The following CNTN5 variants were observed in gnomAD, a reference collection of about 807,000 sequenced individuals.
CNTN5 encodes the protein contactin 5.
Under a neutral mutation model 129.1 loss-of-function variants are expected in CNTN5, and 77 were observed. The observed-to-expected ratio is 0.60, with a 90% CI of 0.50 to 0.72. The LOEUF is 0.72. Among genes scored for constraint, CNTN5 ranks in the 30% least tolerant of loss-of-function variants. The pLI is 0.00. For missense variants in CNTN5, 1,478 were observed against 1,328.8 expected, an observed-to-expected ratio of 1.11 and a Z score of -1.75; for synonymous variants, 509 against 465.6, an observed-to-expected ratio of 1.09 and a Z score of -1.20.
At chr11:99,788,534 A>G (rs1345705421) in intron 3 of CNTN5, among the ~76,000 whole-genome samples, 2 of 151,872 alleles carry the variant, frequency 1.3e-5, no homozygotes, top group Non-Finnish European at 2.9e-5. Context: ...TAGATTTTAG[A>G]TTTCTGTTTT....
At chr11:99,307,005 C>T (rs1004406254) in intron 1 of CNTN5, among the ~76,000 whole-genome samples, 1 of 152,100 alleles carries the variant, frequency 6.6e-6, no homozygotes, top group Non-Finnish European at 1.5e-5. Context: ...ATCATTCCTA[C>T]ATTCTATTAG....
intron 13 of CNTN5, among the ~76,000 whole-genome samples, chr11:100,148,555 C>T (rs1946935894): frequency 6.6e-6 from 1 of 152,144 alleles, no homozygotes; most frequent in African/African-American, 2.4e-5. Flanking sequence ...TAACTAACTC[C>T]CTTTGATCTC....
chr11:99,457,592 C>A (rs1944542522), intron 2 of CNTN5, among the ~76,000 whole-genome samples: 1 of 151,598 alleles, frequency 6.6e-6, no homozygotes, highest in South Asian at 2.1e-4. Context: ...AAATTAAACA[C>A]AAATTTTTAA....
chr11:100,074,803 T>C (rs1245941688), intron 13 of CNTN5, among the ~76,000 whole-genome samples: 2 of 152,106 alleles, frequency 1.3e-5, no homozygotes, highest in Admixed American at 6.6e-5. Context: ...AAATGAGAAG[T>C]GAGCAGAGGA....
intron 3 of CNTN5, among the ~76,000 whole-genome samples, chr11:99,589,070 G>A (rs1169380950): frequency 2.0e-5 from 3 of 152,182 alleles, no homozygotes; most frequent in African/African-American, 4.8e-5. Context: ...TTGATGGAAC[G>A]TGAAACATGA....
In CNTN5 at chr11:100,237,046, A is replaced by G. The variant is rs891593899; in HGVS notation, c.2005+12234A>G. Among the ~76,000 whole-genome samples the G allele has an allele frequency of 4.0e-5, 6 of 151,866 alleles. No homozygotes were observed. In the South Asian group the frequency reaches 6.2e-4, roughly 16 times the overall value. On this transcript the variant is annotated intron_variant, in intron 16 of 24. Coordinates refer to ENST00000524871, the MANE Select transcript of CNTN5 (RefSeq NM_014361.4). Reference sequence around the variant, plus strand: ...CTACTAAAAATACAAAAAATTAGCCAGGTGTGGTGGTGGGCGCCTCTAGTC... The same window carrying G: ...CTACTAAAAATACAAAAAATTAGCCGGGTGTGGTGGTGGGCGCCTCTAGTC...
In CNTN5 at chr11:100,350,788, A is replaced by G. The variant is rs377474957; in HGVS notation, c.3117A>G (p.Gly1039=). 13 of 1,609,086 alleles carry G rather than the reference A, an allele frequency of 8.1e-6. No homozygotes were observed. In the African/African-American group the frequency reaches 1.3e-4, roughly 17 times the overall value. The change falls in exon 24 of 25, where the codon GGA becomes GGG. Residue 1039 remains glycine, a synonymous_variant. Coordinates refer to ENST00000524871, the MANE Select transcript of CNTN5 (RefSeq NM_014361.4). ...LQAVVPLPDA[G]VYIIEVRAYS... ...CAGTAGTACCACTCCCAGATGCTGG[A>G]GTCTATATTATTGAAGTTCGAGCAT...
chr11:100,287,556 C>T (rs1186954463), intron 18 of CNTN5, among the ~76,000 whole-genome samples: 2 of 150,578 alleles, frequency 1.3e-5, no homozygotes, highest in African/African-American at 4.9e-5. Context: ...CAAGCAAATG[C>T]TGAGAGATTT....
intron 1 of CNTN5, among the ~76,000 whole-genome samples, chr11:99,089,411 T>C (rs989329918): frequency 8.5e-5 from 13 of 152,204 alleles, no homozygotes; most frequent in Admixed American, 2.6e-4. Context: ...TTTAACGCTT[T>C]AATCCTATAA....
chr11:100,034,348 A>T (rs1290613425), intron 9 of CNTN5, among the ~76,000 whole-genome samples: 2 of 152,230 alleles, frequency 1.3e-5, no homozygotes, highest in Non-Finnish European at 2.9e-5. Flanking sequence ...CCAAGAAACT[A>T]AAGTTGCTAT....
At chr11:99,883,048 C>A (rs1330833368) in intron 6 of CNTN5, among the ~76,000 whole-genome samples, 1 of 152,170 alleles carries the variant, frequency 6.6e-6, no homozygotes, top group Non-Finnish European at 1.5e-5. Context: ...ATGAAATAAT[C>A]TCATTCTTTT....
chr11:100,013,915 T>C (rs1940675352), intron 9 of CNTN5, among the ~76,000 whole-genome samples: 1 of 152,288 alleles, frequency 6.6e-6, no homozygotes, highest in African/African-American at 2.4e-5. Context: ...TTAAAAGTAG[T>C]ATGTGTCTTA....
chr11:99,275,711 A>G (rs577976843), intron 1 of CNTN5, among the ~76,000 whole-genome samples: 1 of 151,736 alleles, frequency 6.6e-6, no homozygotes, highest in East Asian at 2.0e-4. Flanking sequence ...CTGTGACCAT[A>G]TAGTCTGTCA....
At chr11:99,786,499 A>G (rs541476616) in intron 3 of CNTN5, among the ~76,000 whole-genome samples, 1 of 152,194 alleles carries the variant, frequency 6.6e-6, no homozygotes, top group Non-Finnish European at 1.5e-5. Context: ...ATTAGAAAAA[A>G]ACTACTTTAA....
chr11:99,781,134 G>A (rs1459501467), intron 3 of CNTN5, among the ~76,000 whole-genome samples: 1 of 151,980 alleles, frequency 6.6e-6, no homozygotes, highest in Non-Finnish European at 1.5e-5. Flanking sequence ...CCACATTTAA[G>A]AATCAAATAG....
At chr11:99,191,169 C>A (rs1858623338) in intron 1 of CNTN5, among the ~76,000 whole-genome samples, 1 of 151,636 alleles carries the variant, frequency 6.6e-6, no homozygotes, top group African/African-American at 2.4e-5. Context: ...TTTAACGATC[C>A]TTGCTTACCG....
intron 1 of CNTN5, among the ~76,000 whole-genome samples, chr11:99,298,120 C>T (rs1312221754): frequency 6.6e-6 from 1 of 152,130 alleles, no homozygotes; most frequent in East Asian, 1.9e-4. Flanking sequence ...CTTGCGTGTT[C>T]ACTCAGTGCT....
chr11:99,611,467 C>T (rs76841284), intron 3 of CNTN5, among the ~76,000 whole-genome samples: 4,337 of 152,110 alleles, frequency 0.029, 171 homozygotes, highest in East Asian at 0.092. Context: ...ATTTATCTGG[C>T]GGCTTAGAAA....
At chr11:100,059,166 G>A (rs545813633) in intron 9 of CNTN5, among the ~76,000 whole-genome samples, 51 of 152,210 alleles carry the variant, frequency 3.4e-4, no homozygotes, top group African/African-American at 9.9e-4. Flanking sequence ...TGTGGGACAC[G>A]GAGTTTTACT....
Sources: gnomAD v4.1 joint callset for allele counts (sites outside exome capture counted in the v4.1 genomes callset) on GRCh38, gnomAD v4.1.1 for gene constraint, MANE v1.5 for transcripts, NCBI Gene and HGNC (gene_info 2026-07-23, HGNC 2026-07-21) for gene names.